The following NBEAL1 variants were observed in gnomAD, a reference collection of about 807,000 sequenced individuals.
The protein encoded by NBEAL1 is neurobeachin-like protein 1.
A neutral mutation model predicts 351.3 loss-of-function variants in NBEAL1; 273 were observed. The observed-to-expected ratio is 0.78, with a 90% CI of 0.70 to 0.86. The LOEUF is 0.86. Among genes scored for constraint, NBEAL1 ranks in the 40% least tolerant of loss-of-function variants. NBEAL1 has a pLI of 0.00. For synonymous variants in NBEAL1, 1,050 were observed against 1,086.4 expected (o/e 0.97, Z 0.66); for missense variants, 2,961 against 3,201.3 (o/e 0.92, Z 1.81).
At chr2:203,130,011 A>G (rs931008705) in intron 24 of NBEAL1, among the ~76,000 whole-genome samples, 1 of 152,126 alleles carries the variant, frequency 6.6e-6, no homozygotes, top group Non-Finnish European at 1.5e-5. Flanking sequence ...GAAATACAGA[A>G]AATCAGCCAG....
chr2:203,067,082 A>G (rs7597363), intron 6 of NBEAL1, among the ~76,000 whole-genome samples: 142,413 of 144,222 alleles, frequency 0.99, 70,306 homozygotes, highest in Non-Finnish European at 0.99. Context: ...CAGACAGGGC[A>G]GCCGGGCAGA....
In NBEAL1 at chr2:203,041,766, A is replaced by G. The variant is rs1169607578; in HGVS notation, c.53A>G (p.Lys18Arg). ...ATTATAATGGTTTTGTTATTTCAGAAAGATCCAGATTACCTGAAGCTGTGG... is the reference window on the plus strand; with the variant it reads ...ATTATAATGGTTTTGTTATTTCAGAGAGATCCAGATTACCTGAAGCTGTGG... The part of the protein sequence containing the change: ...FELWMLYCTK[K>R]DPDYLKLWLD... The change falls in exon 3 of 56, where the codon AAA becomes AGA. Residue 18 changes from lysine to arginine, a missense_variant and splice_region_variant. Transcript: ENST00000683969. 2 of 1,550,168 alleles carry G rather than the reference A, an allele frequency of 1.3e-6. No homozygotes were observed. Among genetic ancestry groups the G allele is most frequent in the African/African-American group, 1.4e-5 (1 of 73,116 alleles).
intron 51 of NBEAL1, among the ~76,000 whole-genome samples, chr2:203,207,080 G>A (rs1445707159): frequency 6.7e-6 from 1 of 149,326 alleles, no homozygotes; most frequent in African/African-American, 2.4e-5. Flanking sequence ...CGCCCCGTCC[G>A]GGATGTGAGG....
intron 47 of NBEAL1, 28 bp from the exon 48 acceptor site, chr2:203,197,274 C>A: frequency 7.6e-7 from 1 of 1,308,496 alleles, no homozygotes; most frequent in South Asian, 1.2e-5. Context: ...TGAGCAGAAC[C>A]AGCCACTAAA....
intron 46 of NBEAL1, chr2:203,191,458 A>G (rs1201861192): frequency 2.0e-6 from 1 of 511,888 alleles, no homozygotes; most frequent in Non-Finnish European, 3.4e-6. Context: ...ACAGGTTTAG[A>G]TTAATGGAAA....
intron 7 of NBEAL1, among the ~76,000 whole-genome samples, chr2:203,076,353 C>T (rs1321225802): frequency 6.6e-6 from 1 of 151,670 alleles, no homozygotes; most frequent in Non-Finnish European, 1.5e-5. Context: ...GTCATGGTAG[C>T]GTGTGCCTGT....
At chr2:203,096,480 T>G (rs972642020) in intron 10 of NBEAL1, among the ~76,000 whole-genome samples, 1 of 152,222 alleles carries the variant, frequency 6.6e-6, no homozygotes, top group African/African-American at 2.4e-5. Context: ...TCTCTCCCTT[T>G]GAGTATCATT....
At chr2:203,078,203 T>C (rs1321903044) in intron 8 of NBEAL1, among the ~76,000 whole-genome samples, 1 of 152,240 alleles carries the variant, frequency 6.6e-6, no homozygotes, top group Non-Finnish European at 1.5e-5. Context: ...TTCACTCTTC[T>C]GTGTACTTAT....
At chr2:203,078,772 C>T (rs961274269) in intron 8 of NBEAL1, among the ~76,000 whole-genome samples, 2 of 152,172 alleles carry the variant, frequency 1.3e-5, no homozygotes, top group Non-Finnish European at 2.9e-5. Flanking sequence ...CTTTTTATAG[C>T]ACACGTCCCC....
intron 11 of NBEAL1, 140 bp downstream of exon 11, chr2:203,097,773 T>G (rs776349488): frequency 9.2e-6 from 2 of 217,584 alleles, no homozygotes; most frequent in Non-Finnish European, 1.6e-5. Context: ...TTTTTGAAAA[T>G]TACTAAAAAG....
intron 49 of NBEAL1, among the ~76,000 whole-genome samples, chr2:203,200,606 A>G (rs368716948): frequency 9.9e-5 from 15 of 152,238 alleles, no homozygotes; most frequent in African/African-American, 3.6e-4. Context: ...AGGCAGGAGA[A>G]TCGCTTGAAC....
At chr2:203,079,344 A>T (rs2061832860) in intron 8 of NBEAL1, among the ~76,000 whole-genome samples, 1 of 152,216 alleles carries the variant, frequency 6.6e-6, no homozygotes, top group South Asian at 2.1e-4. Flanking sequence ...AGACTCCCAA[A>T]GTGCTAGGAT....
chr2:203,054,096 C>T (rs2061368355), intron 4 of NBEAL1, among the ~76,000 whole-genome samples: 1 of 152,064 alleles, frequency 6.6e-6, no homozygotes, highest in African/African-American at 2.4e-5. Context: ...AGCTGGGAGG[C>T]ACACCACCAT....
chr2:203,128,010 TTG>T (rs2062982565), intron 24 of NBEAL1, 73 bp downstream of exon 24: 1 of 1,118,898 alleles, frequency 8.9e-7, no homozygotes, highest in Non-Finnish European at 1.3e-6. Flanking sequence ...GAACGTATGT[TTG>T]TGTCTAGTTA....
chr2:203,165,574 A>T (rs1244326065), intron 36 of NBEAL1, among the ~76,000 whole-genome samples: 1 of 152,104 alleles, frequency 6.6e-6, no homozygotes, highest in African/African-American at 2.4e-5. Flanking sequence ...TTACAGGTTC[A>T]CTGTGTTTTA....
At chr2:203,101,726 G>A (rs566503380) in intron 12 of NBEAL1, among the ~76,000 whole-genome samples, 1 of 152,250 alleles carries the variant, frequency 6.6e-6, no homozygotes, top group African/African-American at 2.4e-5. Context: ...TTCCCAAGTA[G>A]CTGGGATTAC....
Position 203,171,929 on chromosome 2 carries a change from A to G in NBEAL1, c.6104A>G (p.Lys2035Arg), listed in dbSNP as rs1180741556. Residue 2035 changes from lysine to arginine, a missense_variant and splice_region_variant, in exon 40 of 56, where the codon AAA becomes AGA. Lys to Arg is a conservative substitution (Grantham distance 26, BLOSUM62 2). Transcript: ENST00000683969. ...ELFKASGLTQKWVNREISNFD... is the reference protein window; with the variant it reads ...ELFKASGLTQRWVNREISNFD... Reference sequence around the variant, plus strand: ...ATTGCTCTTTTTTGTGCTGTCTAGAAATGGGTAAACAGAGAGATATCAAAT... The same window carrying G: ...ATTGCTCTTTTTTGTGCTGTCTAGAGATGGGTAAACAGAGAGATATCAAAT... 1 of 1,579,418 alleles carries G rather than the reference A, an allele frequency of 6.3e-7. No homozygotes were observed. The highest frequency in any genetic ancestry group is 1.2e-5 in the South Asian group (1 of 86,372).
In NBEAL1 at chr2:203,062,780, G is replaced by T. The variant is rs1401412299; in HGVS notation, c.515+5327G>T. ...GCTTCAAAGACAAATGGTAAAGCAG[G>T]GAATTCAGACTTGGATTTCTTTGAC... On this transcript the variant is annotated intron_variant, in intron 6 of 55. Coordinates refer to ENST00000683969, the MANE Select transcript of NBEAL1 (RefSeq NM_001378026.1). This position sits in a 1 kb window ranked among gnomAD's most constrained non-coding sequence, Gnocchi z 4.2. Among the ~76,000 whole-genome samples the T allele has an allele frequency of 6.6e-6, 1 of 151,990 alleles. No individual in the cohort carries two copies. Among genetic ancestry groups the T allele is most frequent in the Non-Finnish European group, 1.5e-5 (1 of 68,024 alleles).
chr2:203,204,416 G>C (rs1420507730), intron 51 of NBEAL1, among the ~76,000 whole-genome samples: 3 of 143,628 alleles, frequency 2.1e-5, no homozygotes, highest in Non-Finnish European at 4.5e-5. Context: ...CTGCAGCCTT[G>C]ACCTCCCAGG....
Sources: gnomAD v4.1 joint callset for allele counts (sites outside exome capture counted in the v4.1 genomes callset) on GRCh38, gnomAD v4.1.1 for gene constraint, Gnocchi (gnomAD v3.1) non-coding constraint, MANE v1.5 for transcripts, NCBI Gene and HGNC (gene_info 2026-07-23, HGNC 2026-07-21) for gene names.